The following BNC2 variants were observed in gnomAD, a reference collection of about 807,000 sequenced individuals.
The protein encoded by BNC2 is basonuclin zinc finger protein 2, also known as zinc finger protein basonuclin-2.
BNC2 carries 20 observed loss-of-function variants against 76.3 expected under a neutral mutation model. That is an observed-to-expected ratio of 0.26 (90% CI 0.18 to 0.38). BNC2 has a LOEUF of 0.38. Among genes scored for constraint, BNC2 ranks in the 10% least tolerant of loss-of-function variants. The pLI, the probability that BNC2 is intolerant of heterozygous loss-of-function variation, is 1.00. For synonymous variants in BNC2, 582 were observed against 514.8 expected, an observed-to-expected ratio of 1.13 and a Z score of -1.77; for missense variants, 1,382 against 1,399.8, an observed-to-expected ratio of 0.99 and a Z score of 0.20.
chr9:16,784,248 G>A (rs1293306080), intron 1 of BNC2, among the ~76,000 whole-genome samples: 9 of 152,176 alleles, frequency 5.9e-5, no homozygotes, highest in Admixed American at 5.9e-4. Context: ...CAGATAATTA[G>A]GGTTCAGAGT....
rs527523185 is a variant in BNC2 at position 16,662,969 on chromosome 9, A to T, written c.330+64828T>A. ...AGCAATAGAAAAAGGAAAGCTTATG[A>T]TCTGCCCTCAAGGAGGTTACAGTCT... On this transcript the variant is annotated intron_variant, in intron 3 of 6. Coordinates refer to ENST00000380672, the MANE Select transcript of BNC2 (RefSeq NM_017637.6). 4.6e-5 allele frequency among the ~76,000 whole-genome samples: 7 copies of T among 152,230 alleles called. No homozygotes were observed. In the South Asian group the frequency reaches 8.3e-4, roughly 18 times the overall value.
intron 3 of BNC2, among the ~76,000 whole-genome samples, chr9:16,586,189 G>A (rs1237569065): frequency 6.6e-6 from 1 of 152,038 alleles, no homozygotes; most frequent in Non-Finnish European, 1.5e-5. Flanking sequence ...GAGGGTTGGA[G>A]GCTCTCAGAC....
chr9:16,538,228 A>C (rs1818187527), intron 5 of BNC2, among the ~76,000 whole-genome samples: 1 of 152,212 alleles, frequency 6.6e-6, no homozygotes, highest in African/African-American at 2.4e-5. Flanking sequence ...ACCTACTGGC[A>C]CTAGACTATC....
chr9:16,861,517 CAT>C (rs1819410528), intron 1 of BNC2, among the ~76,000 whole-genome samples: 2 of 152,108 alleles, frequency 1.3e-5, no homozygotes, highest in Admixed American at 6.5e-5. Context: ...CCAATGGAGA[CAT>C]GTCTCTGTTT....
chr9:16,621,740 G>A (rs562532985), intron 3 of BNC2, among the ~76,000 whole-genome samples: 1 of 152,162 alleles, frequency 6.6e-6, no homozygotes, highest in African/African-American at 2.4e-5. Flanking sequence ...CACGTGAAAT[G>A]TGGCTAGTCC....
intron 1 of BNC2, among the ~76,000 whole-genome samples, chr9:16,839,340 C>T (rs1263055097): frequency 2.6e-5 from 4 of 152,152 alleles, no homozygotes; most frequent in East Asian, 1.9e-4. Context: ...TGTATCAATA[C>T]GGTAAAAGTT....
chr9:16,764,056 A>C (rs531820456), intron 1 of BNC2, among the ~76,000 whole-genome samples: 40 of 152,276 alleles, frequency 2.6e-4, no homozygotes, highest in African/African-American at 9.4e-4. Context: ...AAGAGCTGGG[A>C]TTGGTTCCTA....
intron 2 of BNC2, among the ~76,000 whole-genome samples, chr9:16,729,564 C>T (rs1426918621): frequency 6.6e-6 from 1 of 152,112 alleles, no homozygotes; most frequent in African/African-American, 2.4e-5. Flanking sequence ...CAGTTCCCCA[C>T]CATTAAGCAC....
In BNC2 at chr9:16,604,208, T is replaced by C. The variant is rs112406059; in HGVS notation, c.331-21123A>G. Among the ~76,000 whole-genome samples, 8 of 152,266 alleles carry C rather than the reference T, an allele frequency of 5.3e-5. 1 individual carries two copies. Among genetic ancestry groups the C allele is most frequent in the African/African-American group, 1.9e-4 (8 of 41,570 alleles). On this transcript the variant is annotated intron_variant, in intron 3 of 6. Coordinates refer to ENST00000380672, the MANE Select transcript of BNC2 (RefSeq NM_017637.6). ...ATACAAAGCAAACATCTGGGACCCA[T>C]CTTAATTAGAACCTCTTTCTCTCTC...
At chr9:16,829,812 T>G (rs1016771269) in intron 1 of BNC2, among the ~76,000 whole-genome samples, 2 of 152,142 alleles carry the variant, frequency 1.3e-5, no homozygotes, top group African/African-American at 4.8e-5. Flanking sequence ...TAACCAAGCT[T>G]AAAAATACTT....
rs371806275 is a variant in BNC2, at chr9:16,765,941, C to T, written c.4-27456G>A. Among the ~76,000 whole-genome samples the T allele has an allele frequency of 3.4e-4, 51 of 152,222 alleles. 1 individual carries two copies. In the South Asian group the frequency reaches 9.8e-3, roughly 29 times the overall value. On this transcript the variant is annotated intron_variant, in intron 1 of 6. Transcript: ENST00000380672. Reference sequence around the variant, plus strand: ...AGCTGGGACTACAGGCGCTCGCCACCACGCCTGGCTAATTTTTTTGTATTT... The same window carrying T: ...AGCTGGGACTACAGGCGCTCGCCACTACGCCTGGCTAATTTTTTTGTATTT...
intron 3 of BNC2, among the ~76,000 whole-genome samples, chr9:16,622,069 T>C (rs1820881631): frequency 6.6e-6 from 1 of 152,164 alleles, no homozygotes; most frequent in Non-Finnish European, 1.5e-5. Flanking sequence ...TTGGTTGTGA[T>C]GACCGTGGTC....
intron 3 of BNC2, among the ~76,000 whole-genome samples, chr9:16,584,475 T>C (rs1013490693): frequency 2.0e-5 from 3 of 152,312 alleles, no homozygotes; most frequent in African/African-American, 4.8e-5. Flanking sequence ...TGGATCCCTA[T>C]TGGTTTCAGA....
intron 5 of BNC2, among the ~76,000 whole-genome samples, chr9:16,522,914 C>A (rs763831849): frequency 6.6e-6 from 1 of 152,106 alleles, no homozygotes; most frequent in Non-Finnish European, 1.5e-5. Context: ...ATCTATCAAG[C>A]CTAAAACCAT....
intron 5 of BNC2, among the ~76,000 whole-genome samples, chr9:16,458,802 G>C (rs1821510998): frequency 6.6e-6 from 1 of 152,210 alleles, no homozygotes; most frequent in African/African-American, 2.4e-5. Context: ...AAGGGAACAA[G>C]CACTTCATAT....
At chr9:16,708,390 C>T (rs748161911) in intron 3 of BNC2, among the ~76,000 whole-genome samples, 3 of 152,174 alleles carry the variant, frequency 2.0e-5, no homozygotes, top group Admixed American at 1.3e-4. Flanking sequence ...AACAGGCATA[C>T]GTTAATTTAT....
In BNC2 at chr9:16,693,077, C is replaced by T. The variant is rs1823223617; in HGVS notation, c.330+34720G>A. Among the ~76,000 whole-genome samples the T allele has an allele frequency of 2.1e-5, 3 of 143,070 alleles. No individual in the cohort carries two copies. In the Admixed American group the frequency reaches 2.2e-4, roughly 10 times the overall value. The allele number at this position is 143,070 out of a possible 152,430, so 93.9% of individuals were successfully genotyped here. A position where few individuals can be genotyped will look rare whatever the true frequency, so the allele number is the denominator to read the frequency against. On this transcript the variant is annotated intron_variant, in intron 3 of 6. Coordinates refer to ENST00000380672, the MANE Select transcript of BNC2 (RefSeq NM_017637.6). ...CCTGGGAGGCAGAGGTTGCAGTGAG[C>T]CGAGATCTCACCACTGCACTCCAGC...
At chr9:16,616,331 G>C (rs1820695594) in intron 3 of BNC2, among the ~76,000 whole-genome samples, 1 of 152,042 alleles carries the variant, frequency 6.6e-6, no homozygotes, top group African/African-American at 2.4e-5. Context: ...TGTTGAGACT[G>C]CAGTGAGCCA....
chr9:16,585,108 A>T (rs761918339), intron 3 of BNC2, among the ~76,000 whole-genome samples: 3 of 152,126 alleles, frequency 2.0e-5, no homozygotes, highest in Non-Finnish European at 4.4e-5. Flanking sequence ...ATTATTTTAT[A>T]AAAATATCCT....
Sources: gnomAD v4.1 joint callset for allele counts (sites outside exome capture counted in the v4.1 genomes callset) on GRCh38, gnomAD v4.1.1 for gene constraint, MANE v1.5 for transcripts, NCBI Gene and HGNC (gene_info 2026-07-23, HGNC 2026-07-21) for gene names.